Variants in TANC2 observed in about 807,000 individuals in gnomAD.
TANC2 encodes the protein tetratricopeptide repeat, ankyrin repeat and coiled-coil containing 2, also known as protein TANC2.
A neutral mutation model predicts 210.5 loss-of-function variants in TANC2; 26 were observed. The observed-to-expected ratio is 0.12, with a 90% CI of 0.09 to 0.17. TANC2 has a LOEUF of 0.17. TANC2 is among the 10% of genes least tolerant of loss of function. The probability of loss-of-function intolerance (pLI) is 1.00; values close to 1 mark genes in which losing one functional copy is unlikely to be tolerated. For missense variants in TANC2, 2,129 were observed against 2,608.9 expected (o/e 0.82, Z 4.01); for synonymous variants, 931 against 967.1 (o/e 0.96, Z 0.69).
intron 8 of TANC2, among the ~76,000 whole-genome samples, chr17:63,255,741 C>A (rs1401014176): frequency 6.6e-6 from 1 of 151,356 alleles, no homozygotes; most frequent in East Asian, 1.9e-4. Flanking sequence ...ATTTTATCTT[C>A]TCCAAAAAAA....
intron 5 of TANC2, among the ~76,000 whole-genome samples, chr17:63,183,928 A>G (rs1245724025): frequency 6.6e-6 from 1 of 152,084 alleles, no homozygotes; most frequent in South Asian, 2.1e-4. Flanking sequence ...GAGGCAGGAG[A>G]ATGGCGTGAA....
chr17:63,051,415 G>A (rs182714132), intron 2 of TANC2, among the ~76,000 whole-genome samples: 46 of 152,252 alleles, frequency 3.0e-4, no homozygotes, highest in African/African-American at 1.1e-3. Flanking sequence ...GGCAGAGGCT[G>A]TTCTAGCTTT....
intron 3 of TANC2, chr17:63,088,061 G>A (rs918554535): frequency 3.3e-5 from 5 of 152,158 alleles, no homozygotes; most frequent in African/African-American, 7.2e-5. Flanking sequence ...TGAGAGAGAC[G>A]AGGTAGGGTA....
chr17:63,379,591 C>T (rs1476186478), intron 14 of TANC2, 127 bp from the exon 15 acceptor site: 1 of 596,086 alleles, frequency 1.7e-6, no homozygotes, highest in Non-Finnish European at 2.8e-6. Context: ...ATCACTTAAA[C>T]CCAAGAGGTG....
intron 4 of TANC2, among the ~76,000 whole-genome samples, chr17:63,123,278 C>T (rs2038556320): frequency 6.6e-6 from 1 of 152,066 alleles, no homozygotes; most frequent in South Asian, 2.1e-4. Flanking sequence ...GAAATGTGGG[C>T]CAGGCGCGGT....
At chr17:62,998,441 A>G (rs1162436164) in intron 1 of TANC2, among the ~76,000 whole-genome samples, 1 of 152,236 alleles carries the variant, frequency 6.6e-6, no homozygotes, top group East Asian at 1.9e-4. Context: ...AATATCCCCA[A>G]GACACATAAT....
At chr17:63,155,991 A>C (rs1456275166) in intron 5 of TANC2, among the ~76,000 whole-genome samples, 1 of 152,168 alleles carries the variant, frequency 6.6e-6, no homozygotes, top group East Asian at 1.9e-4. Context: ...AAATCAAAGG[A>C]TGATATTTTT....
At chr17:63,103,848 T>TA (rs2144950523) in intron 4 of TANC2, among the ~76,000 whole-genome samples, 1 of 152,254 alleles carries the variant, frequency 6.6e-6, no homozygotes, top group Admixed American at 6.5e-5. Context: ...ATACTCTTAT[T>TA]AGCTTGTGTT....
chr17:63,085,638 T>C (rs1244757148), intron 3 of TANC2, among the ~76,000 whole-genome samples: 1 of 152,128 alleles, frequency 6.6e-6, no homozygotes, highest in Non-Finnish European at 1.5e-5. Context: ...ATCATTGTTG[T>C]CATTTATTTT....
chr17:63,165,437 A>G (rs1199917004), intron 5 of TANC2, among the ~76,000 whole-genome samples: 3 of 152,198 alleles, frequency 2.0e-5, no homozygotes, highest in Non-Finnish European at 4.4e-5. Context: ...TTGTCTTCCA[A>G]CAGAAAAGTT....
chr17:63,211,853 G>A (rs1393190600), intron 7 of TANC2, among the ~76,000 whole-genome samples: 1 of 152,060 alleles, frequency 6.6e-6, no homozygotes, highest in East Asian at 1.9e-4. Context: ...GGAATGAAAG[G>A]CTCACCTGGC....
At chr17:63,310,423 G>C (rs1000053413) in intron 9 of TANC2, among the ~76,000 whole-genome samples, 9 of 152,008 alleles carry the variant, frequency 5.9e-5, no homozygotes, top group Non-Finnish European at 1.2e-4. Context: ...CTCCAGCCAG[G>C]GGCGACAAAG....
At chr17:63,092,392 T>G (rs1442646427) in intron 3 of TANC2, among the ~76,000 whole-genome samples, 2 of 152,286 alleles carry the variant, frequency 1.3e-5, no homozygotes, top group Non-Finnish European at 2.9e-5. Flanking sequence ...GGTATTTTTT[T>G]TTTTTAGCCA....
chr17:63,197,126 T>TATGCAG (rs2041371596), intron 6 of TANC2, among the ~76,000 whole-genome samples: 1 of 152,310 alleles, frequency 6.6e-6, no homozygotes, highest in Admixed American at 6.5e-5. Flanking sequence ...TATATAAATA[T>TATGCAG]ATGCAGGAAC....
intron 5 of TANC2, among the ~76,000 whole-genome samples, chr17:63,175,128 A>T (rs1413005194): frequency 6.6e-6 from 1 of 152,222 alleles, no homozygotes. Context: ...AATGACCTAG[A>T]ATACCCAAAG....
chr17:63,272,313 A>G (rs1426056921), intron 9 of TANC2, among the ~76,000 whole-genome samples: 3 of 152,228 alleles, frequency 2.0e-5, no homozygotes, highest in South Asian at 4.1e-4. Flanking sequence ...CGGTTGGTCT[A>G]TGCGTCTGTT....
At chr17:63,234,523 CT>C (rs2042567752) in intron 7 of TANC2, among the ~76,000 whole-genome samples, 1 of 152,184 alleles carries the variant, frequency 6.6e-6, no homozygotes, top group African/African-American at 2.4e-5. Flanking sequence ...TGAATGTTCA[CT>C]GCATGCTATT....
At chr17:63,212,908 A>G (rs1370740346) in intron 7 of TANC2, among the ~76,000 whole-genome samples, 2 of 152,186 alleles carry the variant, frequency 1.3e-5, no homozygotes, top group Non-Finnish European at 2.9e-5. Context: ...ATCTGTCAGC[A>G]TTACTCTATT....
intron 3 of TANC2, among the ~76,000 whole-genome samples, chr17:63,093,215 T>G (rs1219974064): frequency 1.3e-5 from 2 of 151,970 alleles, no homozygotes; most frequent in Non-Finnish European, 1.5e-5. Context: ...ATTTTATAGT[T>G]TTATAGTTTC....
Sources: gnomAD v4.1 joint callset for allele counts (sites outside exome capture counted in the v4.1 genomes callset) on GRCh38, gnomAD v4.1.1 for gene constraint, MANE v1.5 for transcripts, NCBI Gene and HGNC (gene_info 2026-07-23, HGNC 2026-07-21) for gene names.